Variants in MAML3 observed in about 807,000 individuals in gnomAD.
MAML3 encodes mastermind-like protein 3.
MAML3 carries 27 observed loss-of-function variants against 101.9 expected under a neutral mutation model. The observed-to-expected ratio is 0.27, with a 90% CI of 0.20 to 0.37. The LOEUF is 0.37. Ranked by LOEUF, MAML3 falls within the 10% of genes least tolerant of loss-of-function variation. The pLI, the probability that MAML3 is intolerant of heterozygous loss-of-function variation, is 1.00. For missense variants in MAML3, 1,316 were observed against 1,444.9 expected (o/e 0.91, Z 1.45); for synonymous variants, 501 against 555.9 (o/e 0.90, Z 1.39).
intron 2 of MAML3, among the ~76,000 whole-genome samples, chr4:139,758,569 CT>C (rs1729697699): frequency 1.3e-5 from 2 of 152,194 alleles, no homozygotes; most frequent in Non-Finnish European, 2.9e-5. Context: ...GGGCCAAGCT[CT>C]TGACATGAGA....
rs373309120 is a variant in MAML3, at chr4:139,719,410, G to T, written c.3330C>A (p.Asp1110Glu). 2 of 1,613,984 alleles carry T rather than the reference G, an allele frequency of 1.2e-6. No individual in the cohort carries two copies. The highest frequency in any genetic ancestry group is 2.2e-5 in the South Asian group (2 of 91,074). Residue 1110 changes from aspartate (D) to glutamate (E), a missense_variant, in exon 5 of 5, where the codon GAC (aspartate) becomes GAA (glutamate). Physicochemically the swap from Asp to Glu is conservative, Grantham distance 45 (BLOSUM62 2). Transcript: ENST00000509479. ...TGATGGAGTCCACAAGGTCTGCACC[G>T]TCCGGGAGGCCAGGGAAGGAACCCC... ...GAGGSFPGLP[D>E]GADLVDSIIK...
intron 2 of MAML3, among the ~76,000 whole-genome samples, chr4:139,834,385 A>G (rs1731222818): frequency 6.6e-6 from 1 of 152,230 alleles, no homozygotes; most frequent in African/African-American, 2.4e-5. Context: ...GTTACCCAGT[A>G]GCTTTGCACC....
At chr4:139,812,308 G>A (rs1436285840) in intron 2 of MAML3, among the ~76,000 whole-genome samples, 1 of 152,150 alleles carries the variant, frequency 6.6e-6, no homozygotes, top group African/African-American at 2.4e-5. Flanking sequence ...TGATGATGAA[G>A]GTGCACATGG....
At position 139,855,975 on chromosome 4, in the gene MAML3, G is replaced by A. The variant is rs535585584; in HGVS notation, c.2079+33382C>T. On this transcript the variant is annotated intron_variant, in intron 2 of 4. Transcript: ENST00000509479. ...GGATCCCACTCCTTCTGCTATACACGGACTCAGTCCCCTTTGTCTGGACCA... is the reference window on the plus strand; with the variant it reads ...GGATCCCACTCCTTCTGCTATACACAGACTCAGTCCCCTTTGTCTGGACCA... 2.6e-4 allele frequency among the ~76,000 whole-genome samples: 39 copies of A among 152,222 alleles called. 1 individual carries two copies. Among genetic ancestry groups the A allele is most frequent in the Middle Eastern group, 6.8e-3 (2 of 294 alleles).
intron 1 of MAML3, among the ~76,000 whole-genome samples, chr4:140,043,813 A>G (rs1727131207): frequency 6.6e-6 from 1 of 152,240 alleles, no homozygotes; most frequent in Admixed American, 6.5e-5. Flanking sequence ...AGACTCACAC[A>G]TAGAATCAAT....
At chr4:139,804,839 T>C (rs1221741563) in intron 2 of MAML3, among the ~76,000 whole-genome samples, 3 of 152,290 alleles carry the variant, frequency 2.0e-5, no homozygotes, top group African/African-American at 4.8e-5. Context: ...AAGTAGAGGA[T>C]AGTGTGTCTA....
At chr4:140,132,511 A>G (rs1728812088) in intron 1 of MAML3, among the ~76,000 whole-genome samples, 1 of 152,162 alleles carries the variant, frequency 6.6e-6, no homozygotes, top group Non-Finnish European at 1.5e-5. Flanking sequence ...AGGCTATTAG[A>G]AAAAGGTTAA....
intron 2 of MAML3, among the ~76,000 whole-genome samples, chr4:139,854,885 G>A (rs986558217): frequency 1.3e-5 from 2 of 152,184 alleles, no homozygotes; most frequent in South Asian, 2.1e-4. Flanking sequence ...CCCCAGCCTG[G>A]TTGTGGAATC....
At chr4:139,979,477 C>A (rs548872118) in intron 1 of MAML3, among the ~76,000 whole-genome samples, 1 of 152,184 alleles carries the variant, frequency 6.6e-6, no homozygotes. Flanking sequence ...GCTGCTTTAG[C>A]TCTATCCATG....
At position 140,154,124 on chromosome 4, in the gene MAML3, G is replaced by GCCGCCTCCTCCTCCTCCTCTCGCTCCT. The variant is rs1171681433; in HGVS notation, c.-824_-798dup. On this transcript the variant is annotated 5_prime_UTR_variant, in exon 1 of 5. Coordinates refer to ENST00000509479, the MANE Select transcript of MAML3 (RefSeq NM_018717.5). Reference sequence around the variant, plus strand: ...TCAACTGCTCGCCGCCGCCGCCGCCGCCGCCTCCTCCTCCTCCTCTCGCTC... The same window carrying GCCGCCTCCTCCTCCTCCTCTCGCTCCT: ...TCAACTGCTCGCCGCCGCCGCCGCCGCCGCCTCCTCCTCCTCCTCTCGCTCCTCCGCCTCCTCCTCCTCCTCTCGCTC... 5.5e-6 allele frequency: 1 copy of GCCGCCTCCTCCTCCTCCTCTCGCTCCT among 181,950 alleles called. No individual in the cohort carries two copies. Among genetic ancestry groups the GCCGCCTCCTCCTCCTCCTCTCGCTCCT allele is most frequent in the African/African-American group, 2.4e-5 (1 of 41,786 alleles). 11.3% of individuals were successfully genotyped at this position (181,950 alleles called of 1,614,324 possible).
chr4:139,749,885 AC>A (rs57753442), intron 2 of MAML3, among the ~76,000 whole-genome samples: 1,633 of 128,184 alleles, frequency 0.013, 48 homozygotes, highest in African/African-American at 0.047. Context: ...ATGAATAAGA[AC>A]CCCCCCCCAC....
chr4:140,149,872 GAAGCC>G (rs1275963356), intron 1 of MAML3, among the ~76,000 whole-genome samples: 1 of 150,672 alleles, frequency 6.6e-6, no homozygotes, highest in East Asian at 1.9e-4. Flanking sequence ...AATACTCTCA[GAAGCC>G]AAGGTTAACT....
chr4:140,084,356 A>G (rs1335354818), intron 1 of MAML3, among the ~76,000 whole-genome samples: 1 of 152,148 alleles, frequency 6.6e-6, no homozygotes, highest in African/African-American at 2.4e-5. Context: ...ACTATTTTTG[A>G]TGGTTTGTTG....
chr4:139,830,410 A>ATTTTTTTTTT (rs1157293904), intron 2 of MAML3, among the ~76,000 whole-genome samples: 24 of 121,294 alleles, frequency 2.0e-4, no homozygotes, highest in East Asian at 1.8e-3. Context: ...ACGCTGTGCT[A>ATTTTTTTTTT]TTTTTTTTTT....
intron 2 of MAML3, among the ~76,000 whole-genome samples, chr4:139,774,203 C>T (rs1245051958): frequency 6.6e-6 from 1 of 152,200 alleles, no homozygotes; most frequent in African/African-American, 2.4e-5. Flanking sequence ...AAATAATGGT[C>T]AAAATGTTCC....
chr4:139,778,603 T>C (rs186290813), intron 2 of MAML3, among the ~76,000 whole-genome samples: 5 of 152,336 alleles, frequency 3.3e-5, no homozygotes, highest in Non-Finnish European at 1.5e-5. Context: ...AGAGACTGGG[T>C]ACCTCCCTTA....
Position 139,718,942 on chromosome 4 carries a change from G to C in MAML3, c.*381C>G, listed in dbSNP as rs1728107125. 5.4e-6 allele frequency: 1 copy of C among 185,322 alleles called. No homozygotes were observed. The allele number at this position is 185,322 out of a possible 1,614,324, so 11.5% of individuals were successfully genotyped here. ...CAAAGCTGCTGTCTCCCGACCTGGGGCAGGAGGGGCTGAGGATACCTCTCT... is the reference window on the plus strand; with the variant it reads ...CAAAGCTGCTGTCTCCCGACCTGGGCCAGGAGGGGCTGAGGATACCTCTCT... On this transcript the variant is annotated 3_prime_UTR_variant, in exon 5 of 5. Coordinates refer to ENST00000509479, the MANE Select transcript of MAML3 (RefSeq NM_018717.5).
At chr4:139,852,405 T>C (rs1731574392) in intron 2 of MAML3, among the ~76,000 whole-genome samples, 1 of 72,326 alleles carries the variant, frequency 1.4e-5, no homozygotes, top group Non-Finnish European at 2.8e-5. Context: ...AGAAGACTGT[T>C]TTTTTTTTTT....
Position 139,735,471 on chromosome 4 carries a change from G to T in MAML3, c.2080-4804C>A, listed in dbSNP as rs536561386. 8.0e-4 allele frequency among the ~76,000 whole-genome samples: 122 copies of T among 151,804 alleles called. No individual in the cohort carries two copies. The highest frequency in any genetic ancestry group is 1.9e-3 in the African/African-American group (78 of 41,416). On this transcript the variant is annotated intron_variant, in intron 2 of 4. Transcript: ENST00000509479. This position sits in a 1 kb window ranked among gnomAD's most constrained non-coding sequence, Gnocchi z 5.8. ...GGTAGGGGGGCAGTGGCGACCTCCG[G>T]GGGGGGAGGGTGGCGGACACCAGAC... is the stretch of plus-strand genomic sequence containing the variant.
Sources: allele counts gnomAD v4.1 joint callset (sites outside exome capture counted in the v4.1 genomes callset), GRCh38; gene constraint gnomAD v4.1.1; non-coding constraint Gnocchi (gnomAD v3.1); transcripts MANE v1.5; gene names NCBI Gene and HGNC (gene_info 2026-07-23, HGNC 2026-07-21).